Variants in SCN4A observed in about 807,000 individuals in gnomAD.
The protein encoded by SCN4A is sodium voltage-gated channel alpha subunit 4.
In SCN4A, 83 loss-of-function variants were observed where a neutral mutation model predicts 162.0. The observed-to-expected ratio is 0.51, with a 90% confidence interval of 0.43 to 0.61. The LOEUF (loss-of-function observed/expected upper bound fraction) is 0.61. Among genes scored for constraint, SCN4A ranks in the 20% least tolerant of loss-of-function variants. SCN4A has a pLI of 0.00. For synonymous variants in SCN4A, 944 were observed against 985.1 expected (o/e 0.96, Z 0.78); for missense variants, 2,196 against 2,462.5 (o/e 0.89, Z 2.29).
intron 18 of SCN4A, 37 bp downstream of exon 18, chr17:63,947,008 A>AAACCCCCCCCCCCCCCCAG: frequency 1.3e-6 from 1 of 782,420 alleles, no homozygotes; most frequent in Non-Finnish European, 2.1e-6. Context: ...CCGGTCCCCC[A>AAACCCCCCCCCCCCCCCAG]TCCCCAGCCC....
chr17:63,945,578 G>T lies in SCN4A; in HGVS notation c.3502C>A (p.Leu1168Ile), dbSNP rs978717883. 1 of 1,614,046 alleles carries T rather than the reference G, an allele frequency of 6.2e-7. No individual in the cohort carries two copies. The highest frequency in any genetic ancestry group is 8.5e-7 in the Non-Finnish European group (1 of 1,179,932). The change falls in exon 19 of 24, where the codon CTC (leucine) becomes ATC (isoleucine). Residue 1168 changes from leucine (L) to isoleucine (I), a missense_variant. Leu to Ile is a conservative substitution (Grantham distance 5). Coordinates refer to ENST00000435607, the MANE Select transcript of SCN4A (RefSeq NM_000334.4). This position sits in a 1 kb window ranked among gnomAD's most constrained non-coding sequence, Gnocchi z 4.4. Reference protein sequence around the residue: ...PSIMNVLLVCLIFWLIFSIMG... With the variant: ...PSIMNVLLVCIIFWLIFSIMG... ...ATGCTGAAGATCAGCCAGAAGATGA[G>T]GCAGACAAGCAGCACATTCATGATG...
chr17:63,957,622 C>G (rs1309155364), intron 12 of SCN4A, 104 bp from the exon 13 acceptor site: 2 of 714,632 alleles, frequency 2.8e-6, no homozygotes, highest in Non-Finnish European at 4.7e-6. Flanking sequence ...GAATCTCCAG[C>G]CCCCCACACC....
rs1183209065 is a variant in SCN4A at position 63,940,013 on chromosome 17, G to C, written c.*758C>G. On this transcript the variant is annotated 3_prime_UTR_variant, in exon 24 of 24. Coordinates refer to ENST00000435607, the MANE Select transcript of SCN4A (RefSeq NM_000334.4). The stretch of plus-strand genomic sequence containing the variant: ...TCACTCCCCCGTGCTTCCTAGAAAA[G>C]GACAATTCATTCCCAAGTGGCATCC... The C allele has an allele frequency of 6.6e-6, 1 of 152,258 alleles. No individual in the cohort carries two copies. Among genetic ancestry groups the C allele is most frequent in the East Asian group, 1.9e-4 (1 of 5,202 alleles). The allele number at this position is 152,258 out of a possible 1,614,324, so 9.4% of individuals were successfully genotyped here.
chr17:63,963,867 A>G (rs1392039542), intron 9 of SCN4A, 42 bp from the exon 10 acceptor site: 1 of 1,544,056 alleles, frequency 6.5e-7, no homozygotes, highest in African/African-American at 1.4e-5. Context: ...TCCAGCTCTG[A>G]GCCAGAGGGA....
intron 5 of SCN4A, among the ~76,000 whole-genome samples, chr17:63,968,685 C>T (rs1803125182): frequency 1.3e-5 from 2 of 152,196 alleles, no homozygotes; most frequent in South Asian, 2.1e-4. Context: ...GTGTGTTCAA[C>T]AGAACGCTAA....
At position 63,950,797 on chromosome 17, in the gene SCN4A, G is replaced by T. The variant is rs565119041; in HGVS notation, c.2853+627C>A. 1.5e-4 allele frequency among the ~76,000 whole-genome samples: 23 copies of T among 152,264 alleles called. No homozygotes were observed. In the East Asian group the frequency reaches 4.4e-3, roughly 29 times the overall value. ...ACCGCTGCGTTCCTGTCCCTTCCTCGACCTCGCAGTGGAGGGGTGGGGAGG... is the reference window on the plus strand; with the variant it reads ...ACCGCTGCGTTCCTGTCCCTTCCTCTACCTCGCAGTGGAGGGGTGGGGAGG... On this transcript the variant is annotated intron_variant, in intron 14 of 23. Transcript: ENST00000435607. The surrounding 1 kb of genome is among the most constrained non-coding windows in gnomAD (Gnocchi z 4.6).
In SCN4A at chr17:63,964,550, G is replaced by A; in HGVS notation, c.1370C>T (p.Thr457Ile). ...CTCTTTCTCCTTATCCTCGGCCAGGGTGGCCTCATTCTGCTCGGCATATGC... is the reference window on the plus strand; with the variant it reads ...CTCTTTCTCCTTATCCTCGGCCAGGATGGCCTCATTCTGCTCGGCATATGC... Reference protein sequence around the residue: ...AMAYAEQNEATLAEDKEKEEE... With the variant: ...AMAYAEQNEAILAEDKEKEEE... Residue 457 changes from threonine to isoleucine, a missense_variant, in exon 9 of 24, where the codon ACC becomes ATC. Thr to Ile is a moderately conservative substitution (Grantham distance 89). Transcript: ENST00000435607. 1 of 1,614,066 alleles carries A rather than the reference G, an allele frequency of 6.2e-7. No individual in the cohort carries two copies. Among genetic ancestry groups the A allele is most frequent in the Non-Finnish European group, 8.5e-7 (1 of 1,179,906 alleles).
At position 63,944,969 on chromosome 17, in the gene SCN4A, G is replaced by A. The variant is rs760573559; in HGVS notation, c.3774+38C>T. 4 of 1,607,880 alleles carry A rather than the reference G, an allele frequency of 2.5e-6. No individual in the cohort carries two copies. The Admixed American group carries it at 6.7e-5, about 27-fold the overall frequency. ...CTCCTGTCTTGAGTCCTCTTCCCTG[G>A]CTCGCTCACCAGCCACATCTCAGCG... On this transcript the variant is annotated intron_variant, in intron 20 of 23. Coordinates refer to ENST00000435607, the MANE Select transcript of SCN4A (RefSeq NM_000334.4). This position sits in a 1 kb window ranked among gnomAD's most constrained non-coding sequence, Gnocchi z 4.3.
chr17:63,942,514 G>A (rs1411372744), intron 23 of SCN4A, among the ~76,000 whole-genome samples: 2 of 152,224 alleles, frequency 1.3e-5, no homozygotes, highest in African/African-American at 4.8e-5. Flanking sequence ...ATAAGCACAC[G>A]CATGACTGTG....
chr17:63,941,056 C>T lies in SCN4A; in HGVS notation c.5226G>A (p.Leu1742=), dbSNP rs1908509056. 1 of 1,613,854 alleles carries T rather than the reference C, an allele frequency of 6.2e-7. No homozygotes were observed. The highest frequency in any genetic ancestry group is 1.7e-5 in the Admixed American group (1 of 60,002). ...IKIQRAYRRH[L]LQRSMKQASY... ...ATGCCTGCTTCATGGAGCGCTGTAG[C>T]AGGTGCCGGCGGTAGGCCCTCTGGA... The change falls in exon 24 of 24, where the codon CTG becomes CTA. Residue 1742 remains leucine, a synonymous_variant. Transcript: ENST00000435607. This position sits in a 1 kb window ranked among gnomAD's most constrained non-coding sequence, Gnocchi z 6.2.
chr17:63,945,180 C>A lies in SCN4A; in HGVS notation c.3721-120G>T. ...CCAGAGGCCGCCTGCCAGAGCCCCA[C>A]TGGGCTAGCATCAAATAAAGACCAG... is the stretch of plus-strand genomic sequence containing the variant. On this transcript the variant is annotated intron_variant, in intron 19 of 23. Coordinates refer to ENST00000435607, the MANE Select transcript of SCN4A (RefSeq NM_000334.4). The surrounding 1 kb of genome is among the most constrained non-coding windows in gnomAD (Gnocchi z 4.4). The A allele has an allele frequency of 9.0e-7, 1 of 1,109,904 alleles. No homozygotes were observed. Among genetic ancestry groups the A allele is most frequent in the Non-Finnish European group, 1.3e-6 (1 of 752,344 alleles). The allele number at this position is 1,109,904 out of a possible 1,614,324, so 68.8% of individuals were successfully genotyped here. A position where few individuals can be genotyped will look rare whatever the true frequency, so the allele number is the denominator to read the frequency against.
chr17:63,966,266 G>A lies in SCN4A; in HGVS notation c.1101-23C>T, dbSNP rs1025836786. ...TGCCTAGGAATAGGACAGGGGGCTG[G>A]GTTTAGGGTGGGAGGAGCACTCCAG... is the stretch of plus-strand genomic sequence containing the variant. On this transcript the variant is annotated intron_variant, in intron 7 of 23. Coordinates refer to ENST00000435607, the MANE Select transcript of SCN4A (RefSeq NM_000334.4). 5.0e-6 allele frequency: 8 copies of A among 1,596,916 alleles called. No individual in the cohort carries two copies. In the African/African-American group the frequency reaches 6.7e-5, roughly 13 times the overall value.
chr17:63,962,567 C>A (rs1028128394), intron 10 of SCN4A, among the ~76,000 whole-genome samples: 13 of 152,026 alleles, frequency 8.6e-5, no homozygotes, highest in African/African-American at 3.1e-4. Flanking sequence ...CAGTGCCTCC[C>A]GGTAAATACA....
chr17:63,956,965 T>G (rs2144792618), intron 13 of SCN4A, among the ~76,000 whole-genome samples, 197 bp downstream of exon 13: 1 of 152,254 alleles, frequency 6.6e-6, no homozygotes, highest in Admixed American at 6.5e-5. Context: ...ACTCTGGGGG[T>G]GGGGCCGGGG....
rs1263338277 is a variant in SCN4A at position 63,963,748 on chromosome 17, C to A, written c.1530G>T (p.Leu510=). ...PAHGKDCNGS[L]DTSQGEKGAP... ...CTCCCTTCTCCCCTTGCGATGTGTC[C>A]AGGCTGCCATTGCAGTCTTTGCCAT... Residue 510 remains leucine (L), a synonymous_variant, in exon 10 of 24, where the codon CTG becomes CTT. Transcript: ENST00000435607. 1.9e-6 allele frequency: 3 copies of A among 1,610,170 alleles called. No homozygotes were observed. The South Asian group carries it at 3.3e-5, about 18-fold the overall frequency.
At chr17:63,949,042 C>G (rs989425132) in intron 15 of SCN4A, among the ~76,000 whole-genome samples, 2 of 152,220 alleles carry the variant, frequency 1.3e-5, no homozygotes, top group Non-Finnish European at 2.9e-5. Flanking sequence ...GCCCCACCCC[C>G]CACCTCGCCC....
Position 63,949,585 on chromosome 17 carries a change from C to T in SCN4A, c.2854-57G>A, listed in dbSNP as rs1035125470. The T allele has an allele frequency of 2.0e-6, 3 of 1,534,798 alleles. No individual in the cohort carries two copies. The African/African-American group carries it at 4.1e-5, about 21-fold the overall frequency. ...GGTCCCTGAGAGACCCCCTCATCCT[C>T]CTACCAGATGGGGCAGGATGGGAGA... On this transcript the variant is annotated intron_variant, in intron 14 of 23. Transcript: ENST00000435607.
chr17:63,957,209 T>C lies in SCN4A; in HGVS notation c.2329A>G (p.Met777Val). Reference protein sequence around the residue: ...WDCMEVAGQAMCLTVFLMVMV... With the variant: ...WDCMEVAGQAVCLTVFLMVMV... ...ACCATGAGGAAGACGGTGAGGCACA[T>C]GGCTTGGCCGGCCACCTCCATGCAG... is the stretch of plus-strand genomic sequence containing the variant. The change falls in exon 13 of 24, where the codon ATG (methionine) becomes GTG (valine). Residue 777 changes from methionine to valine, a missense_variant. Coordinates refer to ENST00000435607, the MANE Select transcript of SCN4A (RefSeq NM_000334.4). The C allele has an allele frequency of 6.3e-7, 1 of 1,598,472 alleles. No homozygotes were observed. The highest frequency in any genetic ancestry group is 8.6e-7 in the Non-Finnish European group (1 of 1,167,976).
chr17:63,964,802 G>A (rs960986175), intron 8 of SCN4A, 125 bp from the exon 9 acceptor site: 6 of 710,370 alleles, frequency 8.4e-6, no homozygotes, highest in Admixed American at 7.8e-5. Context: ...GAGCCTGGGG[G>A]ACTGATGGCC....
Sources: gnomAD v4.1 joint callset for allele counts (sites outside exome capture counted in the v4.1 genomes callset) on GRCh38, gnomAD v4.1.1 for gene constraint, Gnocchi (gnomAD v3.1) non-coding constraint, MANE v1.5 for transcripts, NCBI Gene and HGNC (gene_info 2026-07-23, HGNC 2026-07-21) for gene names.